Variants in SLC25A48 observed in about 807,000 individuals in gnomAD.
SLC25A48 encodes solute carrier family 25 member 48.
SLC25A48 carries 29 observed loss-of-function variants against 32.2 expected under a neutral mutation model. The ratio of observed to expected loss-of-function variants is 0.90; its 90% CI spans 0.67 to 1.23. The LOEUF is 1.23. Among genes scored for constraint, SLC25A48 ranks in the 50% most tolerant of loss-of-function variants. The pLI is 0.00. For synonymous variants in SLC25A48, 164 were observed against 172.3 expected (o/e 0.95, Z 0.38); for missense variants, 399 against 422.7 (o/e 0.94, Z 0.49).
intron 3 of SLC25A48, among the ~76,000 whole-genome samples, chr5:135,659,309 G>C (rs1009683395): frequency 2.4e-4 from 36 of 152,142 alleles, no homozygotes; most frequent in Non-Finnish European, 4.3e-4. Flanking sequence ...TAAAGCAGGG[G>C]CACAATGCTG....
chr5:135,746,987 A>ATT (rs199973261), intron 3 of SLC25A48, among the ~76,000 whole-genome samples: 89 of 77,294 alleles, frequency 1.2e-3, no homozygotes, highest in East Asian at 4.4e-3. Flanking sequence ...CAGGTTAAGT[A>ATT]TTTTTTGTTG....
chr5:135,597,185 G>A (rs1450632943), intron 1 of SLC25A48, among the ~76,000 whole-genome samples: 1 of 152,182 alleles, frequency 6.6e-6, no homozygotes, highest in Non-Finnish European at 1.5e-5. Context: ...TCATAGAGTA[G>A]TGCCAGGCAC....
At chr5:135,631,054 C>A (rs1752556079) in intron 2 of SLC25A48, among the ~76,000 whole-genome samples, 1 of 152,174 alleles carries the variant, frequency 6.6e-6, no homozygotes, top group Admixed American at 6.5e-5. Flanking sequence ...TCCTTGTCTT[C>A]CTGCATCGAC....
chr5:135,610,584 A>C (rs1752041964), intron 1 of SLC25A48, among the ~76,000 whole-genome samples: 1 of 152,208 alleles, frequency 6.6e-6, no homozygotes, highest in Non-Finnish European at 1.5e-5. Context: ...GTTTATAGAA[A>C]GCCAATTGAA....
At chr5:135,637,610 G>A (rs552121918) in intron 3 of SLC25A48, among the ~76,000 whole-genome samples, 1 of 152,302 alleles carries the variant, frequency 6.6e-6, no homozygotes, top group Admixed American at 6.5e-5. Flanking sequence ...TGGCCAATGT[G>A]TTTTTCCATC....
At chr5:135,769,815 C>T (rs1756354734) in intron 3 of SLC25A48, among the ~76,000 whole-genome samples, 1 of 151,302 alleles carries the variant, frequency 6.6e-6, no homozygotes, top group Non-Finnish European at 1.5e-5. Context: ...CTCCCAACAT[C>T]GCAGGGAGTT....
At chr5:135,834,542 T>A, upstream of SLC25A48, 1 of 423,250 alleles carries the variant, frequency 2.4e-6, no homozygotes, top group East Asian at 3.6e-5. Flanking sequence ...ACTAAGAGAA[T>A]TTCACTTGAT....
intron 4 of SLC25A48, among the ~76,000 whole-genome samples, chr5:135,828,322 C>T (rs1758118655): frequency 6.6e-6 from 1 of 152,216 alleles, no homozygotes; most frequent in African/African-American, 2.4e-5. Flanking sequence ...ATTTGACTTG[C>T]TGGGTGTGTT....
intron 3 of SLC25A48, among the ~76,000 whole-genome samples, chr5:135,762,396 C>A (rs1484797965): frequency 6.6e-6 from 1 of 152,090 alleles, no homozygotes; most frequent in African/African-American, 2.4e-5. Flanking sequence ...TGGCAGAGGG[C>A]AAGAGGGAGA....
chr5:135,734,517 A>G (rs745449734), intron 3 of SLC25A48, among the ~76,000 whole-genome samples: 1 of 152,102 alleles, frequency 6.6e-6, no homozygotes, highest in Non-Finnish European at 1.5e-5. Flanking sequence ...TGGAGTTGGT[A>G]GCCTCCCTAT....
intron 3 of SLC25A48, among the ~76,000 whole-genome samples, chr5:135,657,883 C>A (rs1355024251): frequency 1.3e-5 from 2 of 152,208 alleles, no homozygotes; most frequent in Non-Finnish European, 2.9e-5. Flanking sequence ...GGAGAACTCA[C>A]TCACTATCAT....
chr5:135,831,460 A>G (rs558931679), upstream of SLC25A48, among the ~76,000 whole-genome samples: 1 of 152,356 alleles, frequency 6.6e-6, no homozygotes, highest in East Asian at 1.9e-4. Flanking sequence ...GTCTGACAGC[A>G]GAGATACAGA....
At chr5:135,694,462 C>T (rs11242262) in intron 3 of SLC25A48, among the ~76,000 whole-genome samples, 118,159 of 152,202 alleles carry the variant, frequency 0.78, 46,411 homozygotes, top group Middle Eastern at 0.85. Flanking sequence ...TCCCCAGAAG[C>T]GGCTGCAAAC....
At chr5:135,848,941 G>T (rs1759619835) in intron 2 of SLC25A48, among the ~76,000 whole-genome samples, 1 of 152,214 alleles carries the variant, frequency 6.6e-6, no homozygotes, top group African/African-American at 2.4e-5. Context: ...TGAGAGCGAA[G>T]GTGGGTCCAA....
chr5:135,829,283 C>G (rs897108037), intron 4 of SLC25A48, among the ~76,000 whole-genome samples: 5 of 152,192 alleles, frequency 3.3e-5, no homozygotes, highest in African/African-American at 1.2e-4. Flanking sequence ...GGGTCTCCTC[C>G]TACACTCCTA....
intron 7 of SLC25A48, among the ~76,000 whole-genome samples, chr5:135,885,591 C>T (rs1157018122): frequency 6.6e-6 from 1 of 151,938 alleles, no homozygotes; most frequent in Non-Finnish European, 1.5e-5. Context: ...ACAGTCATGT[C>T]TGTGCACCCT....
At chr5:135,773,342 C>T (rs1186554117) in intron 3 of SLC25A48, among the ~76,000 whole-genome samples, 1 of 151,270 alleles carries the variant, frequency 6.6e-6, no homozygotes, top group Non-Finnish European at 1.5e-5. Flanking sequence ...GGTGTACACA[C>T]CTTGGATATT....
At chr5:135,660,321 A>G (rs1379057268) in intron 3 of SLC25A48, among the ~76,000 whole-genome samples, 5 of 152,314 alleles carry the variant, frequency 3.3e-5, no homozygotes, top group Non-Finnish European at 7.4e-5. Flanking sequence ...GATCACCACC[A>G]TAATCCAACC....
At chr5:135,701,770 G>A (rs1050189248) in intron 3 of SLC25A48, among the ~76,000 whole-genome samples, 7 of 152,214 alleles carry the variant, frequency 4.6e-5, no homozygotes, top group Non-Finnish European at 7.3e-5. Flanking sequence ...GCTATATGGA[G>A]TGTATCCTTG....
Sources: allele counts gnomAD v4.1 joint callset (sites outside exome capture counted in the v4.1 genomes callset), GRCh38; gene constraint gnomAD v4.1.1; transcripts MANE v1.5; gene names NCBI Gene and HGNC (gene_info 2026-07-23, HGNC 2026-07-21).